The following MTUS2 variants were observed in gnomAD, a reference collection of about 807,000 sequenced individuals.
MTUS2 encodes microtubule associated scaffold protein 2.
In MTUS2, 40 loss-of-function variants were observed where a neutral mutation model predicts 114.1. The ratio of observed to expected loss-of-function variants is 0.35; its 90% CI spans 0.27 to 0.46. MTUS2 has a LOEUF of 0.46. Among genes scored for constraint, MTUS2 ranks in the 20% least tolerant of loss-of-function variants. The probability of loss-of-function intolerance (pLI) is 1.00; values close to 1 mark genes in which losing one functional copy is unlikely to be tolerated. For synonymous variants in MTUS2, 688 were observed against 672.0 expected, an observed-to-expected ratio of 1.02 and a Z score of -0.37; for missense variants, 1,679 against 1,705.4, an observed-to-expected ratio of 0.98 and a Z score of 0.27.
chr13:29,475,229 A>G (rs1299269648), intron 9 of MTUS2, among the ~76,000 whole-genome samples: 1 of 152,210 alleles, frequency 6.6e-6, no homozygotes, highest in African/African-American at 2.4e-5. Flanking sequence ...TCATAGCACA[A>G]TGCATTACTC....
At chr13:28,910,020 A>G (rs1172683638) in intron 2 of MTUS2, among the ~76,000 whole-genome samples, 1 of 152,222 alleles carries the variant, frequency 6.6e-6, no homozygotes, top group Non-Finnish European at 1.5e-5. Context: ...TCAAGCATTT[A>G]TCCTTTGTGT....
At chr13:29,290,582 G>A (rs533939838) in intron 6 of MTUS2, among the ~76,000 whole-genome samples, 10 of 151,882 alleles carry the variant, frequency 6.6e-5, no homozygotes, top group African/African-American at 1.9e-4. Context: ...CGCCTGCCTC[G>A]GCCTCCCAAA....
At chr13:29,103,527 G>A (rs1184322189) in intron 5 of MTUS2, among the ~76,000 whole-genome samples, 1 of 152,212 alleles carries the variant, frequency 6.6e-6, no homozygotes, top group African/African-American at 2.4e-5. Flanking sequence ...GAAGCTTGCA[G>A]GAGTGGAAGG....
At chr13:28,909,122 G>A (rs1361765215) in intron 2 of MTUS2, among the ~76,000 whole-genome samples, 6 of 151,492 alleles carry the variant, frequency 4.0e-5, no homozygotes, top group Non-Finnish European at 5.9e-5. Flanking sequence ...GTCAGGTAGC[G>A]TGATGCCTCC....
chr13:29,038,897 G>A (rs1887208223), intron 4 of MTUS2, among the ~76,000 whole-genome samples: 1 of 152,200 alleles, frequency 6.6e-6, no homozygotes, highest in Admixed American at 6.5e-5. Context: ...CACCAAGCTC[G>A]ACCACCAGGC....
At chr13:29,405,569 A>T (rs1874686611) in intron 8 of MTUS2, among the ~76,000 whole-genome samples, 1 of 152,110 alleles carries the variant, frequency 6.6e-6, no homozygotes, top group African/African-American at 2.4e-5. Flanking sequence ...AAGACTTGGC[A>T]TGTTTGGTAG....
At chr13:29,266,395 AC>A (rs1897668003) in intron 5 of MTUS2, among the ~76,000 whole-genome samples, 2 of 152,160 alleles carry the variant, frequency 1.3e-5, no homozygotes, top group African/African-American at 4.8e-5. Flanking sequence ...ACTTTATCAA[AC>A]CCAGAGATTA....
intron 8 of MTUS2, among the ~76,000 whole-genome samples, chr13:29,391,600 A>G (rs1873471305): frequency 6.6e-6 from 1 of 151,624 alleles, no homozygotes; most frequent in Non-Finnish European, 1.5e-5. Flanking sequence ...TTCCTTTCTC[A>G]CACTCTTGAT....
chr13:29,281,737 T>C lies in MTUS2; in HGVS notation c.2678T>C (p.Leu893Pro). 6.2e-7 allele frequency: 1 copy of C among 1,611,084 alleles called. No individual in the cohort carries two copies. The highest frequency in any genetic ancestry group is 1.1e-5 in the South Asian group (1 of 91,018). Residue 893 changes from leucine to proline, a missense_variant, in exon 6 of 16, where the codon CTG (leucine) becomes CCG (proline). Leu to Pro is a moderately conservative substitution (Grantham distance 98). This residue lies in a region of MTUS2 where 822 missense variants were observed against 899.7 expected (regional missense o/e 0.91). Transcript: ENST00000612955. ...STFGNEEQPV[L>P]KASLPSKDTP... ...TTTGGGAATGAAGAACAGCCAGTTCTGAAGGCATCTCTGCCTTCTAAGGAC... is the reference window on the plus strand; with the variant it reads ...TTTGGGAATGAAGAACAGCCAGTTCCGAAGGCATCTCTGCCTTCTAAGGAC...
At chr13:28,904,567 T>C (rs1038480997) in intron 2 of MTUS2, among the ~76,000 whole-genome samples, 11 of 152,324 alleles carry the variant, frequency 7.2e-5, no homozygotes, top group African/African-American at 2.4e-4. Flanking sequence ...TGGTTATAGA[T>C]ATGCAGCATT....
At position 28,859,477 on chromosome 13, in the gene MTUS2, T is replaced by C. The variant is rs142677124; in HGVS notation, c.-243+19627T>C. Among the ~76,000 whole-genome samples the C allele has an allele frequency of 4.4e-3, 667 of 152,312 alleles. 4 individuals carry two copies. The highest frequency in any genetic ancestry group is 8.6e-3 in the Admixed American group (132 of 15,298). On this transcript the variant is annotated intron_variant, in intron 2 of 15. Transcript: ENST00000612955. ...TGGCCCTATCTGAATCCTCCTTTAC[T>C]TTCTAGGACTGGGGAATTAGGCATG...
At chr13:29,189,779 C>T (rs1371730575) in intron 5 of MTUS2, among the ~76,000 whole-genome samples, 2 of 152,028 alleles carry the variant, frequency 1.3e-5, no homozygotes, top group East Asian at 3.9e-4. Context: ...CATGATAAAC[C>T]TTTGGAAGGT....
At chr13:29,379,475 G>A (rs1872036699) in intron 8 of MTUS2, among the ~76,000 whole-genome samples, 1 of 152,200 alleles carries the variant, frequency 6.6e-6, no homozygotes, top group African/African-American at 2.4e-5. Flanking sequence ...AGGACGCTGC[G>A]AGAACACAGC....
Position 29,281,772 on chromosome 13 carries a change from G to C in MTUS2, c.2713G>C (p.Gly905Arg). 6.2e-7 allele frequency: 1 copy of C among 1,612,356 alleles called. No individual in the cohort carries two copies. Among genetic ancestry groups the C allele is most frequent in the Non-Finnish European group, 8.5e-7 (1 of 1,178,626 alleles). Residue 905 changes from glycine to arginine, a missense_variant, in exon 6 of 16, where the codon GGG (glycine) becomes CGG (arginine). Transcript: ENST00000612955. ...ASLPSKDTPK[G>R]AGRVAPPASS... ...TCTGCCTTCTAAGGACACACCCAAG[G>C]GGGCCGGCCGGGTGGCCCCTCCAGC...
intron 2 of MTUS2, among the ~76,000 whole-genome samples, chr13:29,004,691 A>G (rs1885530356): frequency 6.6e-6 from 1 of 152,182 alleles, no homozygotes; most frequent in Non-Finnish European, 1.5e-5. Flanking sequence ...ATGGGTTTTA[A>G]TTTCTGATGC....
intron 5 of MTUS2, among the ~76,000 whole-genome samples, chr13:29,218,490 A>G (rs994580442): frequency 6.6e-6 from 1 of 152,214 alleles, no homozygotes. Context: ...AGAATGGTAA[A>G]TCCTTTCCGA....
chr13:28,983,103 G>T (rs567815739), intron 2 of MTUS2, among the ~76,000 whole-genome samples: 1 of 152,172 alleles, frequency 6.6e-6, no homozygotes, highest in African/African-American at 2.4e-5. Context: ...AAGCCAGCAG[G>T]TTTTTTACCT....
At chr13:28,851,180 A>G (rs1290896851) in intron 2 of MTUS2, among the ~76,000 whole-genome samples, 2 of 152,234 alleles carry the variant, frequency 1.3e-5, no homozygotes, top group Admixed American at 1.3e-4. Context: ...ATGTTGGTAT[A>G]GGAAGTAGAG....
intron 5 of MTUS2, among the ~76,000 whole-genome samples, chr13:29,116,985 T>G (rs1248644925): frequency 6.6e-6 from 1 of 152,208 alleles, no homozygotes; most frequent in East Asian, 1.9e-4. Context: ...TCAAGTTGAC[T>G]GCAAGTATAG....
Sources: gnomAD v4.1 joint callset for allele counts (sites outside exome capture counted in the v4.1 genomes callset) on GRCh38, gnomAD v4.1.1 for gene constraint, gnomAD v4.1.1 regional missense constraint, MANE v1.5 for transcripts, NCBI Gene and HGNC (gene_info 2026-07-23, HGNC 2026-07-21) for gene names.